The following DENND1B variants were observed in gnomAD, a reference collection of about 807,000 sequenced individuals.
DENND1B encodes DENN domain containing 1B.
Under a neutral mutation model 90.1 loss-of-function variants are expected in DENND1B, and 59 were observed. The ratio of observed to expected loss-of-function variants is 0.65; its 90% CI spans 0.53 to 0.81. The LOEUF (loss-of-function observed/expected upper bound fraction) is 0.81. DENND1B is among the 40% of genes least tolerant of loss of function. The probability of loss-of-function intolerance (pLI) is 0.00; values close to 1 mark genes in which losing one functional copy is unlikely to be tolerated. For missense variants in DENND1B, 862 were observed against 912.6 expected, an observed-to-expected ratio of 0.94 and a Z score of 0.71; for synonymous variants, 337 against 324.6, an observed-to-expected ratio of 1.04 and a Z score of -0.41.
chr1:197,574,775 A>G (rs1051369439), intron 15 of DENND1B, among the ~76,000 whole-genome samples: 1 of 152,226 alleles, frequency 6.6e-6, no homozygotes, highest in Non-Finnish European at 1.5e-5. Flanking sequence ...CAGAGCCCTC[A>G]GAAATAACAC....
intron 10 of DENND1B, among the ~76,000 whole-genome samples, chr1:197,624,560 AT>A (rs1399590405): frequency 5.3e-5 from 8 of 151,764 alleles, no homozygotes; most frequent in Non-Finnish European, 8.9e-5. Context: ...GAAAAAATTA[AT>A]TGATAAGCTG....
chr1:197,669,620 T>G (rs1317669013), intron 5 of DENND1B, among the ~76,000 whole-genome samples: 1 of 152,080 alleles, frequency 6.6e-6, no homozygotes. Flanking sequence ...AGAAAAAATA[T>G]TAAGATATGC....
intron 2 of DENND1B, chr1:197,747,578 A>G (rs1228637930): frequency 1.1e-5 from 2 of 177,598 alleles, no homozygotes. Context: ...CTGTTAAAAA[A>G]AAATGGCACC....
At chr1:197,688,884 G>A in intron 3 of DENND1B, 1 of 214,622 alleles carries the variant, frequency 4.7e-6, no homozygotes, top group Admixed American at 4.1e-5. Flanking sequence ...ATTAAAAAAT[G>A]TGAGGACAAG....
chr1:197,554,239 G>A (rs1311282646), intron 15 of DENND1B, among the ~76,000 whole-genome samples: 1 of 151,788 alleles, frequency 6.6e-6, no homozygotes, highest in Admixed American at 6.6e-5. Flanking sequence ...CCATAATTAT[G>A]ATGAGGTATC....
rs11803914 is a variant in DENND1B at position 197,695,948 on chromosome 1, A to G, written c.126+19083T>C. The stretch of plus-strand genomic sequence containing the variant: ...CCAAATACCTTTTAAATAATACAAA[A>G]TTTTTTAAATTATGAATGTATAAAA... On this transcript the variant is annotated intron_variant, in intron 3 of 22. Coordinates refer to ENST00000620048, the MANE Select transcript of DENND1B (RefSeq NM_001195215.2). Among the ~76,000 whole-genome samples the G allele has an allele frequency of 5.8e-3, 876 of 151,484 alleles. 9 individuals are homozygous for G. The highest frequency in any genetic ancestry group is 0.02 in the African/African-American group (809 of 41,486).
At chr1:197,593,001 A>G (rs903273095) in intron 14 of DENND1B, among the ~76,000 whole-genome samples, 1 of 152,102 alleles carries the variant, frequency 6.6e-6, no homozygotes, top group Non-Finnish European at 1.5e-5. Context: ...CCTTTTTTTA[A>G]ATATCAACCA....
In DENND1B at chr1:197,680,658, A is replaced by C. The variant is rs138112436; in HGVS notation, c.127-6489T>G. The stretch of plus-strand genomic sequence containing the variant: ...ACATTTTAAAGTATGTGTTTTATTG[A>C]AAATAAAATAAAATTATATTCTTAG... On this transcript the variant is annotated intron_variant, in intron 3 of 22. Transcript: ENST00000620048. 4.4e-3 allele frequency among the ~76,000 whole-genome samples: 673 copies of C among 152,294 alleles called. 10 individuals carry two copies. The highest frequency in any genetic ancestry group is 0.015 in the African/African-American group (630 of 41,576).
At chr1:197,628,131 C>T (rs1381210428) in intron 10 of DENND1B, among the ~76,000 whole-genome samples, 2 of 152,228 alleles carry the variant, frequency 1.3e-5, no homozygotes, top group East Asian at 3.9e-4. Context: ...ATGCCATCCC[C>T]ATAAAGCTAC....
chr1:197,657,974 T>G (rs1654018097), intron 6 of DENND1B, among the ~76,000 whole-genome samples: 1 of 152,082 alleles, frequency 6.6e-6, no homozygotes, highest in South Asian at 2.1e-4. Context: ...TTATGCTAAA[T>G]GAAATAAGCC....
intron 7 of DENND1B, among the ~76,000 whole-genome samples, chr1:197,651,780 T>C (rs1027652834): frequency 6.7e-6 from 1 of 148,696 alleles, no homozygotes; most frequent in Non-Finnish European, 1.5e-5. Flanking sequence ...CTCAGCCTCC[T>C]GAGTAGCTGG....
intron 20 of DENND1B, among the ~76,000 whole-genome samples, chr1:197,536,636 C>A (rs1669925739): frequency 2.6e-5 from 4 of 151,936 alleles, no homozygotes; most frequent in African/African-American, 9.7e-5. Flanking sequence ...ATATGTGAAT[C>A]TAAAACTAAA....
Position 197,545,404 on chromosome 1 carries a change from CA to C in DENND1B, c.1350+517del, listed in dbSNP as rs35127449. Among the ~76,000 whole-genome samples the C allele has an allele frequency of 7.5e-3, 1,011 of 135,636 alleles. 13 individuals are homozygous for C. Among genetic ancestry groups the C allele is most frequent in the African/African-American group, 0.023 (852 of 37,240 alleles). The allele number at this position is 135,636 out of a possible 152,430, so 89.0% of individuals were successfully genotyped here. ...TGGGTGACAGAGCGAGACTTCGTCT[CA>C]AAAAAAAAAAAGAATTTGTGTTGGG... On this transcript the variant is annotated intron_variant, in intron 18 of 22. Coordinates refer to ENST00000620048, the MANE Select transcript of DENND1B (RefSeq NM_001195215.2).
intron 13 of DENND1B, among the ~76,000 whole-genome samples, chr1:197,596,101 T>C (rs1455478653): frequency 1.3e-5 from 2 of 152,054 alleles, no homozygotes; most frequent in Non-Finnish European, 2.9e-5. Flanking sequence ...CATTGCCTCA[T>C]GAACCGGTAA....
Position 197,619,578 on chromosome 1 carries a change from A to C in DENND1B, c.673-1819T>G, listed in dbSNP as rs190580851. On this transcript the variant is annotated intron_variant, in intron 10 of 22. Transcript: ENST00000620048. Reference sequence around the variant, plus strand: ...TTGTTACTGAGCAAATAAAAACTGTAGCAAGAGGAAAAACACGTTCTTAAT... The same window carrying C: ...TTGTTACTGAGCAAATAAAAACTGTCGCAAGAGGAAAAACACGTTCTTAAT... Among the ~76,000 whole-genome samples the C allele has an allele frequency of 3.3e-5, 5 of 151,320 alleles. No individual in the cohort carries two copies. The East Asian group carries it at 9.8e-4, about 30-fold the overall frequency.
intron 15 of DENND1B, among the ~76,000 whole-genome samples, chr1:197,554,873 T>C (rs900274740): frequency 4.2e-5 from 6 of 142,874 alleles, no homozygotes; most frequent in African/African-American, 1.6e-4. Flanking sequence ...GGGAAGAGAA[T>C]TAACAGCAGT....
At chr1:197,608,790 T>A (rs1237213941) in intron 12 of DENND1B, among the ~76,000 whole-genome samples, 6 of 150,698 alleles carry the variant, frequency 4.0e-5, no homozygotes, top group African/African-American at 1.4e-4. Flanking sequence ...CTATGACATG[T>A]ACAATTTTTT....
At chr1:197,576,877 G>T (rs1032591703) in intron 15 of DENND1B, among the ~76,000 whole-genome samples, 9 of 152,044 alleles carry the variant, frequency 5.9e-5, no homozygotes, top group African/African-American at 2.2e-4. Flanking sequence ...TGGGCAAGCA[G>T]AATTATTTTG....
At chr1:197,647,490 A>G (rs1487238489) in intron 7 of DENND1B, among the ~76,000 whole-genome samples, 1 of 152,208 alleles carries the variant, frequency 6.6e-6, no homozygotes, top group Non-Finnish European at 1.5e-5. Context: ...TCATAAAACT[A>G]AAATCTCCTC....
Sources: gnomAD v4.1 joint callset for allele counts (sites outside exome capture counted in the v4.1 genomes callset) on GRCh38, gnomAD v4.1.1 for gene constraint, MANE v1.5 for transcripts, NCBI Gene and HGNC (gene_info 2026-07-23, HGNC 2026-07-21) for gene names.